Variants in MMAB observed in about 807,000 individuals in gnomAD.
The protein encoded by MMAB is metabolism of cobalamin associated B.
A neutral mutation model predicts 30.6 loss-of-function variants in MMAB; 17 were observed. That is an observed-to-expected ratio of 0.56 (90% CI 0.38 to 0.83). The LOEUF (loss-of-function observed/expected upper bound fraction) is 0.83, where lower values mean the gene tolerates loss of function less well. MMAB is among the 40% of genes least tolerant of loss of function. MMAB has a pLI of 0.00. For synonymous variants in MMAB, 134 were observed against 138.6 expected (o/e 0.97, Z 0.23); for missense variants, 311 against 331.6 (o/e 0.94, Z 0.48).
chr12:109,560,970 T>TGGGG, intron 7 of MMAB, 70 bp downstream of exon 7: 5 of 808,156 alleles, frequency 6.2e-6, no homozygotes, highest in East Asian at 5.5e-5. Flanking sequence ...CTCCTCTCCC[T>TGGGG]CTCCCTCCCC....
chr12:109,557,060 T>A lies in MMAB; in HGVS notation c.721A>T (p.Asn241Tyr). Residue 241 changes from asparagine to tyrosine, a missense_variant, in exon 9 of 9, where the codon AAT becomes TAT. Asn to Tyr is a moderately radical substitution (Grantham distance 143, BLOSUM62 -2). Coordinates refer to ENST00000545712, the MANE Select transcript of MMAB (RefSeq NM_052845.4). ...CCCTCAGACTCGGCCGATGGGTCAT[T>A]TTTCATGTATATTTTCTCTTGATTC... ...EGNQEKIYMK[N>Y]DPSAESEGL The A allele has an allele frequency of 6.2e-7, 1 of 1,613,702 alleles. No individual in the cohort carries two copies. Among genetic ancestry groups the A allele is most frequent in the South Asian group, 1.1e-5 (1 of 91,080 alleles).
At chr12:109,565,229 T>C (rs891359396) in intron 3 of MMAB, 53 bp from the exon 4 acceptor site, 29 of 1,357,116 alleles carry the variant, frequency 2.1e-5, no homozygotes, top group Non-Finnish European at 2.8e-5. Context: ...CCCTAGGCCC[T>C]GTCTTGCCAT....
At chr12:109,565,954 G>A (rs757880153) in intron 3 of MMAB, among the ~76,000 whole-genome samples, 19 of 152,328 alleles carry the variant, frequency 1.2e-4, no homozygotes, top group South Asian at 2.1e-4. Flanking sequence ...AGACAGTGGC[G>A]CGCTGCAGGG....
At position 109,561,563 on chromosome 12, in the gene MMAB, AC is replaced by A; in HGVS notation, c.422-47del. 1 of 1,493,674 alleles carries A rather than the reference AC, an allele frequency of 6.7e-7. No individual in the cohort carries two copies. Among genetic ancestry groups the A allele is most frequent in the Non-Finnish European group, 9.1e-7 (1 of 1,102,504 alleles). The allele number at this position is 1,493,674 out of a possible 1,614,324, so 92.5% of individuals were successfully genotyped here. A position where few individuals can be genotyped will look rare whatever the true frequency, so the allele number is the denominator to read the frequency against. ...GGGAACTGCCATGAGGCCATCACCC[AC>A]CAGACCATGGCGGGAACCACCCCCG... On this transcript the variant is annotated intron_variant, in intron 5 of 8. Transcript: ENST00000545712. The surrounding 1 kb of genome is among the most constrained non-coding windows in gnomAD (Gnocchi z 5.3).
intron 3 of MMAB, chr12:109,568,053 A>T (rs1566136162): frequency 6.6e-6 from 1 of 152,410 alleles, no homozygotes; most frequent in African/African-American, 2.4e-5. Context: ...AAAAGTTTTC[A>T]ATCAGCAATA....
rs1293900293 is a variant in MMAB, at chr12:109,553,814, A to T, written c.*3214T>A. On this transcript the variant is annotated 3_prime_UTR_variant, in exon 9 of 9. Coordinates refer to ENST00000545712, the MANE Select transcript of MMAB (RefSeq NM_052845.4). ...TAAAGGTTCAGTAGTGATCACTGGG[A>T]CAGGGCGATCATAAAACTGAATGGG... 2.2e-6 allele frequency: 1 copy of T among 452,686 alleles called. No homozygotes were observed. The highest frequency in any genetic ancestry group is 4.4e-6 in the Non-Finnish European group (1 of 225,608). The allele number at this position is 452,686 out of a possible 1,614,324, so 28.0% of individuals were successfully genotyped here. A position where few individuals can be genotyped will look rare whatever the true frequency, so the allele number is the denominator to read the frequency against.
rs1162499459 is a variant in MMAB, at chr12:109,561,679, C to T, written c.421+101G>A. 1 of 1,283,412 alleles carries T rather than the reference C, an allele frequency of 7.8e-7. No individual in the cohort carries two copies. The highest frequency in any genetic ancestry group is 1.1e-6 in the Non-Finnish European group (1 of 906,184). 79.5% of individuals were successfully genotyped at this position (1,283,412 alleles called of 1,614,324 possible). A position where few individuals can be genotyped will look rare whatever the true frequency, so the allele number is the denominator to read the frequency against. On this transcript the variant is annotated intron_variant, in intron 5 of 8. Coordinates refer to ENST00000545712, the MANE Select transcript of MMAB (RefSeq NM_052845.4). This position sits in a 1 kb window ranked among gnomAD's most constrained non-coding sequence, Gnocchi z 5.3. ...GGAGCTACGAGCAAGGCTAACTGAC[C>T]CACCCGTGGGTCCCTGGGGGCCTGG...
intron 1 of MMAB, 181 bp downstream of exon 1, chr12:109,573,166 A>AG (rs1884717582): frequency 1.4e-6 from 1 of 735,426 alleles, no homozygotes; most frequent in African/African-American, 1.7e-5. Context: ...ATTGGGACTT[A>AG]GGCAAAGACT....
Position 109,558,791 on chromosome 12 carries a change from A to C in MMAB, c.644+305T>G, listed in dbSNP as rs551795617. ...GCCTCCCCTGAGCACCCAGCCTCTAAGAACGCCCTTTGCCCCCGCAATGCC... is the reference window on the plus strand; with the variant it reads ...GCCTCCCCTGAGCACCCAGCCTCTACGAACGCCCTTTGCCCCCGCAATGCC... On this transcript the variant is annotated intron_variant, in intron 8 of 8. Transcript: ENST00000545712. This position sits in a 1 kb window ranked among gnomAD's most constrained non-coding sequence, Gnocchi z 4.3. 6.6e-6 allele frequency among the ~76,000 whole-genome samples: 1 copy of C among 150,926 alleles called. No homozygotes were observed. The highest frequency in any genetic ancestry group is 1.5e-5 in the Non-Finnish European group (1 of 67,870).
At chr12:109,557,576 G>A (rs1456878344) in intron 8 of MMAB, among the ~76,000 whole-genome samples, 3 of 152,238 alleles carry the variant, frequency 2.0e-5, no homozygotes, top group Non-Finnish European at 4.4e-5. Flanking sequence ...TGGGCCCGGG[G>A]CTCTGCAGGT....
At chr12:109,573,167 G>A in intron 1 of MMAB, 180 bp downstream of exon 1, 2 of 747,880 alleles carry the variant, frequency 2.7e-6, no homozygotes, top group Non-Finnish European at 4.5e-6. Context: ...TTGGGACTTA[G>A]GCAAAGACTA....
chr12:109,555,275 G>GGTTTTTTTT lies in MMAB; in HGVS notation c.*1752_*1753insAAAAAAAAC. ...GAGCCTTAGTGATTGCGTTTTCAGGGTTTTTTTTTTTTTTTTTTTTTTTTT... is the reference window on the plus strand; with the variant it reads ...GAGCCTTAGTGATTGCGTTTTCAGGGGTTTTTTTTTTTTTTTTTTTTTTTTTTTTTTTTT... On this transcript the variant is annotated 3_prime_UTR_variant, in exon 9 of 9. Coordinates refer to ENST00000545712, the MANE Select transcript of MMAB (RefSeq NM_052845.4). 1 of 340,814 alleles carries GGTTTTTTTT rather than the reference G, an allele frequency of 2.9e-6. No individual in the cohort carries two copies. Among genetic ancestry groups the GGTTTTTTTT allele is most frequent in the Admixed American group, 4.2e-5 (1 of 24,096 alleles). 21.1% of individuals were successfully genotyped at this position (340,814 alleles called of 1,614,324 possible). A position where few individuals can be genotyped will look rare whatever the true frequency, so the allele number is the denominator to read the frequency against.
chr12:109,568,091 G>A (rs191983551), intron 3 of MMAB: 8 of 153,288 alleles, frequency 5.2e-5, no homozygotes, highest in Non-Finnish European at 7.3e-5. Context: ...CCTCACTGGC[G>A]ACAACACTGA....
At chr12:109,572,386 G>A (rs1044822338) in intron 1 of MMAB, among the ~76,000 whole-genome samples, 1 of 150,892 alleles carries the variant, frequency 6.6e-6, no homozygotes, top group African/African-American at 2.4e-5. Flanking sequence ...CTGGGAGCAC[G>A]GGTGTATACC....
Position 109,569,013 on chromosome 12 carries a change from T to G in MMAB, c.197-150A>C. On this transcript the variant is annotated intron_variant, in intron 2 of 8. Transcript: ENST00000545712. The surrounding 1 kb of genome is among the most constrained non-coding windows in gnomAD (Gnocchi z 4.1). ...CAGGCTGGAGTACAGCGGCGTGATCTTGGCTCACTGCAGCCTCCCCCTCCC... is the reference window on the plus strand; with the variant it reads ...CAGGCTGGAGTACAGCGGCGTGATCGTGGCTCACTGCAGCCTCCCCCTCCC... The G allele has an allele frequency of 1.5e-6, 1 of 679,146 alleles. No homozygotes were observed. The highest frequency in any genetic ancestry group is 2.6e-6 in the Non-Finnish European group (1 of 382,378). The allele number at this position is 679,146 out of a possible 1,614,324, so 42.1% of individuals were successfully genotyped here.
rs1283146376 is a variant in MMAB at position 109,558,330 on chromosome 12, C to G, written c.644+766G>C. Among the ~76,000 whole-genome samples the G allele has an allele frequency of 6.6e-6, 1 of 152,156 alleles. No homozygotes were observed. The highest frequency in any genetic ancestry group is 2.4e-5 in the African/African-American group (1 of 41,428). On this transcript the variant is annotated intron_variant, in intron 8 of 8. Coordinates refer to ENST00000545712, the MANE Select transcript of MMAB (RefSeq NM_052845.4). This position sits in a 1 kb window ranked among gnomAD's most constrained non-coding sequence, Gnocchi z 4.3. ...ACCTGCTCCTCACTCCCGGCGAAAC[C>G]CCCCTCCCAGAAGGAAAGGAGCTGC... is the stretch of plus-strand genomic sequence containing the variant.
At chr12:109,566,579 G>A (rs537913891) in intron 3 of MMAB, among the ~76,000 whole-genome samples, 1 of 152,312 alleles carries the variant, frequency 6.6e-6, no homozygotes, top group African/African-American at 2.4e-5. Flanking sequence ...CCCCACCCTG[G>A]GCACTTGCCC....
intron 3 of MMAB, chr12:109,568,521 G>T: frequency 3.4e-6 from 2 of 595,628 alleles, no homozygotes; most frequent in Non-Finnish European, 6.0e-6. Context: ...AGTGAGGGAT[G>T]AGAGGGAGGC....
In MMAB at chr12:109,553,881, ACTGACGGGGG is replaced by A. The variant is rs1566127134; in HGVS notation, c.*3137_*3146del. The A allele has an allele frequency of 2.2e-6, 1 of 454,018 alleles. No individual in the cohort carries two copies. The highest frequency in any genetic ancestry group is 4.4e-6 in the Non-Finnish European group (1 of 226,810). 28.1% of individuals were successfully genotyped at this position (454,018 alleles called of 1,614,324 possible). On this transcript the variant is annotated 3_prime_UTR_variant, in exon 9 of 9. Coordinates refer to ENST00000545712, the MANE Select transcript of MMAB (RefSeq NM_052845.4). Reference sequence around the variant, plus strand: ...AGGCAGCAGCAAGGGTGACATTGCCACTGACGGGGGCTTCCGAACTGGGGACGTTTGTCAT... The same window carrying A: ...AGGCAGCAGCAAGGGTGACATTGCCACTTCCGAACTGGGGACGTTTGTCAT...
Sources: gnomAD v4.1 joint callset for allele counts (sites outside exome capture counted in the v4.1 genomes callset) on GRCh38, gnomAD v4.1.1 for gene constraint, Gnocchi (gnomAD v3.1) non-coding constraint, MANE v1.5 for transcripts, NCBI Gene and HGNC (gene_info 2026-07-23, HGNC 2026-07-21) for gene names.